The following EDC3 variants were observed in gnomAD, a reference collection of about 807,000 sequenced individuals.
The protein encoded by EDC3 is enhancer of mRNA-decapping protein 3.
EDC3 carries 20 observed loss-of-function variants against 41.8 expected under a neutral mutation model. The ratio of observed to expected loss-of-function variants is 0.48; its 90% CI spans 0.34 to 0.70. The LOEUF (loss-of-function observed/expected upper bound fraction) is 0.70, where lower values mean the gene tolerates loss of function less well. EDC3 is among the 30% of genes least tolerant of loss of function. The pLI is 0.01. For missense variants in EDC3, 444 were observed against 636.8 expected (o/e 0.70, Z 3.26); for synonymous variants, 206 against 243.2 (o/e 0.85, Z 1.42).
chr15:74,633,004 G>A, intron 6 of EDC3, 58 bp from the exon 7 acceptor site: 1 of 1,562,468 alleles, frequency 6.4e-7, no homozygotes, highest in Non-Finnish European at 8.7e-7. Context: ...AGCCCAGGCT[G>A]GGACTAGGGC....
chr15:74,660,159 T>C (rs2062604359), intron 3 of EDC3, among the ~76,000 whole-genome samples: 1 of 151,814 alleles, frequency 6.6e-6, no homozygotes, highest in Admixed American at 6.6e-5. Context: ...TGAGCCACAG[T>C]CCACACCACT....
intron 3 of EDC3, among the ~76,000 whole-genome samples, chr15:74,658,387 T>C (rs2141620415): frequency 6.6e-6 from 1 of 152,230 alleles, no homozygotes; most frequent in South Asian, 2.1e-4. Context: ...AAATATTATA[T>C]AATCTTATAC....
chr15:74,632,635 C>A lies in EDC3; in HGVS notation c.1504G>T (p.Val502Phe). 1 of 1,613,934 alleles carries A rather than the reference C, an allele frequency of 6.2e-7. No homozygotes were observed. The highest frequency in any genetic ancestry group is 8.5e-7 in the Non-Finnish European group (1 of 1,180,008). ...NYHSPFGCKFVIPLHSA is the reference protein window; with the variant it reads ...NYHSPFGCKFFIPLHSA The stretch of plus-strand genomic sequence containing the variant: ...CTCTAAGCAGAGTGCAGTGGGATAA[C>A]AAACTTGCAGCCAAAGGGCGAGTGG... Residue 502 changes from valine (V) to phenylalanine (F), a missense_variant, in exon 7 of 7, where the codon GTT becomes TTT. Physicochemically the swap from Val to Phe is conservative, Grantham distance 50 (BLOSUM62 -1). This residue lies in a region of EDC3 where 242 missense variants were observed against 363.8 expected (regional missense o/e 0.67). Transcript: ENST00000315127. This position sits in a 1 kb window ranked among gnomAD's most constrained non-coding sequence, Gnocchi z 4.0.
Sources: allele counts gnomAD v4.1 joint callset (sites outside exome capture counted in the v4.1 genomes callset), GRCh38; gene constraint gnomAD v4.1.1; regional missense constraint gnomAD v4.1.1; non-coding constraint Gnocchi (gnomAD v3.1); transcripts MANE v1.5; gene names NCBI Gene and HGNC (gene_info 2026-07-23, HGNC 2026-07-21).